Variants in CADM2 observed in about 807,000 individuals in gnomAD.
CADM2 encodes the protein cell adhesion molecule 2.
CADM2 carries 12 observed loss-of-function variants against 49.8 expected under a neutral mutation model. The ratio of observed to expected loss-of-function variants is 0.24; its 90% CI spans 0.15 to 0.39. The LOEUF (loss-of-function observed/expected upper bound fraction) is 0.39. Ranked by LOEUF, CADM2 falls within the 10% of genes least tolerant of loss-of-function variation. The pLI is 1.00. For missense variants in CADM2, 378 were observed against 492.3 expected (o/e 0.77, Z 2.20); for synonymous variants, 214 against 175.4 (o/e 1.22, Z -1.74).
At chr3:85,707,114 G>A (rs945952824) in intron 1 of CADM2, among the ~76,000 whole-genome samples, 1 of 151,992 alleles carries the variant, frequency 6.6e-6, no homozygotes, top group Non-Finnish European at 1.5e-5. Flanking sequence ...CTACAGGCAT[G>A]AGCCACCAAG....
At chr3:85,937,994 CA>C (rs1721385833) in intron 7 of CADM2, among the ~76,000 whole-genome samples, 2 of 151,982 alleles carry the variant, frequency 1.3e-5, no homozygotes, top group South Asian at 4.1e-4. Flanking sequence ...TTCTCATTCA[CA>C]ACTTTCCCTT....
At chr3:85,664,606 A>T (rs1407549746) in intron 1 of CADM2, among the ~76,000 whole-genome samples, 1 of 151,904 alleles carries the variant, frequency 6.6e-6, no homozygotes, top group East Asian at 1.9e-4. Flanking sequence ...TTTCCTTATA[A>T]TAGCCACTAA....
chr3:85,250,603 C>A (rs958622155), intron 1 of CADM2, among the ~76,000 whole-genome samples: 1 of 151,182 alleles, frequency 6.6e-6, no homozygotes, highest in Non-Finnish European at 1.5e-5. Flanking sequence ...AAGGAACTGC[C>A]TAAAAATAAA....
At chr3:85,442,605 TA>T (rs2037260477) in intron 1 of CADM2, among the ~76,000 whole-genome samples, 1 of 23,758 alleles carries the variant, frequency 4.2e-5, no homozygotes, top group Non-Finnish European at 6.6e-4. Flanking sequence ...TATATATATA[TA>T]TATATATATA....
intron 1 of CADM2, among the ~76,000 whole-genome samples, chr3:85,510,030 G>A (rs1173554437): frequency 6.6e-6 from 1 of 151,898 alleles, no homozygotes; most frequent in Middle Eastern, 3.2e-3. Context: ...ATAAAGCAAT[G>A]TGGGCTCACT....
At chr3:85,769,517 ATATACATATATGTATATATACACG>A (rs2069924374) in intron 2 of CADM2, among the ~76,000 whole-genome samples, 5 of 117,740 alleles carry the variant, frequency 4.2e-5, no homozygotes, top group Non-Finnish European at 8.1e-5. Context: ...ATATACACGT[ATATACATATATGTATATATACACG>A]TATATACATA....
chr3:85,917,316 C>A (rs1236695359), intron 6 of CADM2, among the ~76,000 whole-genome samples: 2 of 152,176 alleles, frequency 1.3e-5, no homozygotes, highest in African/African-American at 2.4e-5. Context: ...ACATTTAAGT[C>A]TTTAATCCAT....
chr3:85,492,205 T>G (rs2107648663), intron 1 of CADM2, among the ~76,000 whole-genome samples: 1 of 152,340 alleles, frequency 6.6e-6, no homozygotes, highest in Admixed American at 6.5e-5. Context: ...GTTATTTAAC[T>G]TATTGAAATC....
At chr3:85,607,770 C>T (rs894643183) in intron 1 of CADM2, among the ~76,000 whole-genome samples, 5 of 151,916 alleles carry the variant, frequency 3.3e-5, no homozygotes, top group African/African-American at 1.2e-4. Flanking sequence ...AGTTCTCCTG[C>T]CTCAGCCTCC....
chr3:85,117,825 G>A (rs1468267955), intron 1 of CADM2, among the ~76,000 whole-genome samples: 1 of 152,026 alleles, frequency 6.6e-6, no homozygotes, highest in Non-Finnish European at 1.5e-5. Flanking sequence ...TCCTTTGTGT[G>A]GAGCCAATGG....
chr3:85,471,206 T>A (rs1348528617), intron 1 of CADM2, among the ~76,000 whole-genome samples: 1 of 152,176 alleles, frequency 6.6e-6, no homozygotes, highest in East Asian at 1.9e-4. Context: ...AGGTTTCATC[T>A]ATCTTGTCCC....
chr3:86,039,871 C>T (rs1041719123), intron 8 of CADM2, among the ~76,000 whole-genome samples: 4 of 152,166 alleles, frequency 2.6e-5, no homozygotes, highest in Non-Finnish European at 5.9e-5. Flanking sequence ...GCTGGGTTCT[C>T]CTCTGAGACA....
intron 1 of CADM2, among the ~76,000 whole-genome samples, chr3:85,633,612 T>A (rs1423667873): frequency 6.6e-6 from 1 of 152,014 alleles, no homozygotes; most frequent in African/African-American, 2.4e-5. Context: ...CAATATGCAG[T>A]CATAGTTAAG....
chr3:85,909,327 C>A (rs1717246575), intron 5 of CADM2, among the ~76,000 whole-genome samples: 1 of 151,568 alleles, frequency 6.6e-6, no homozygotes. Context: ...TGTTTGTTCT[C>A]AAGGTTTTCT....
At chr3:85,737,907 TACCTACCAGCAGA>T (rs887512366) in intron 2 of CADM2, among the ~76,000 whole-genome samples, 7 of 152,238 alleles carry the variant, frequency 4.6e-5, no homozygotes, top group African/African-American at 1.7e-4. Context: ...AAGCAAAAAT[TACCTACCAGCAGA>T]ACAGGATTTC....
intron 1 of CADM2, among the ~76,000 whole-genome samples, chr3:85,332,668 T>C (rs1036382255): frequency 2.0e-5 from 3 of 151,982 alleles, no homozygotes; most frequent in African/African-American, 7.2e-5. Flanking sequence ...TAAAATTCCA[T>C]GTAAAATATG....
chr3:85,213,046 C>T lies in CADM2; in HGVS notation c.61+253378C>T, dbSNP rs1234532241. 3.3e-5 allele frequency among the ~76,000 whole-genome samples: 5 copies of T among 151,644 alleles called. No homozygotes were observed. The East Asian group carries it at 7.8e-4, about 24-fold the overall frequency. On this transcript the variant is annotated intron_variant, in intron 1 of 9. Coordinates refer to ENST00000383699, the MANE Select transcript of CADM2 (RefSeq NM_001167675.2). ...TATAGGTTTACGTCACCACACCTTG[C>T]TATTTTTTGAATTTTTAGTAGAGAC...
intron 1 of CADM2, among the ~76,000 whole-genome samples, chr3:85,503,014 AG>A (rs1439834589): frequency 1.3e-5 from 2 of 152,174 alleles, no homozygotes; most frequent in Non-Finnish European, 2.9e-5. Context: ...TAAGGTATCC[AG>A]CTTTAAAAAA....
chr3:85,186,412 T>G (rs1576070171), intron 1 of CADM2, among the ~76,000 whole-genome samples: 1 of 152,284 alleles, frequency 6.6e-6, no homozygotes, highest in East Asian at 1.9e-4. Flanking sequence ...GGCTTTTTCT[T>G]ATTTTTGTAA....
Sources: allele counts gnomAD v4.1 joint callset (sites outside exome capture counted in the v4.1 genomes callset), GRCh38; gene constraint gnomAD v4.1.1; transcripts MANE v1.5; gene names NCBI Gene and HGNC (gene_info 2026-07-23, HGNC 2026-07-21).